CALN1: variants seen among roughly 807,000 people sequenced by gnomAD.
The protein encoded by CALN1 is calneuron 1, also known as calcium-binding protein 8.
CALN1 carries 17 observed loss-of-function variants against 30.6 expected under a neutral mutation model. The observed-to-expected ratio is 0.56, with a 90% CI of 0.38 to 0.83. The LOEUF (loss-of-function observed/expected upper bound fraction) is 0.83, where lower values mean the gene tolerates loss of function less well. CALN1 is among the 40% of genes least tolerant of loss of function. CALN1 has a pLI of 0.00. For missense variants in CALN1, 291 were observed against 354.9 expected (o/e 0.82, Z 1.45); for synonymous variants, 156 against 131.4 (o/e 1.19, Z -1.28).
At chr7:72,254,321 T>G (rs1366455898) in intron 3 of CALN1, among the ~76,000 whole-genome samples, 1 of 152,202 alleles carries the variant, frequency 6.6e-6, no homozygotes, top group Non-Finnish European at 1.5e-5. Context: ...TGCTCAGGAC[T>G]GCATCAAATT....
chr7:71,891,729 A>C (rs1793250020), intron 5 of CALN1, among the ~76,000 whole-genome samples: 1 of 152,174 alleles, frequency 6.6e-6, no homozygotes, highest in African/African-American at 2.4e-5. Context: ...AGATCACTTG[A>C]AGTCAGGAGT....
At chr7:72,254,729 C>G (rs966438287) in intron 3 of CALN1, among the ~76,000 whole-genome samples, 1 of 151,974 alleles carries the variant, frequency 6.6e-6, no homozygotes, top group African/African-American at 2.4e-5. Flanking sequence ...TTAGCACTTA[C>G]CTTCACATCT....
Position 71,837,830 on chromosome 7 carries a change from A to T in CALN1, c.502-27338T>A, listed in dbSNP as rs199760946. Among the ~76,000 whole-genome samples the T allele has an allele frequency of 3.9e-5, 6 of 152,340 alleles. No homozygotes were observed. The East Asian group carries it at 1.2e-3, about 29-fold the overall frequency. ...ACGTGGTGATGGGTTGAAAGGGAAG[A>T]CATAATATGAAAAACCAATAATTTT... On this transcript the variant is annotated intron_variant, in intron 5 of 6. Transcript: ENST00000395275.
intron 5 of CALN1, among the ~76,000 whole-genome samples, chr7:71,883,492 G>A (rs1158335517): frequency 6.6e-6 from 1 of 152,094 alleles, no homozygotes; most frequent in African/African-American, 2.4e-5. Context: ...CTTCTTGTTA[G>A]GAACATAATG....
chr7:72,225,564 G>C (rs141333330), intron 3 of CALN1, among the ~76,000 whole-genome samples: 1 of 151,934 alleles, frequency 6.6e-6, no homozygotes. Context: ...CACACAGCTC[G>C]GTCTCTGAAG....
At chr7:72,312,235 C>A (rs1302923276) in intron 2 of CALN1, among the ~76,000 whole-genome samples, 1 of 151,970 alleles carries the variant, frequency 6.6e-6, no homozygotes, top group Non-Finnish European at 1.5e-5. Flanking sequence ...GAAACCCTGT[C>A]TCTACTAAAA....
chr7:72,343,987 C>T (rs1420963784), intron 2 of CALN1, among the ~76,000 whole-genome samples: 1 of 152,092 alleles, frequency 6.6e-6, no homozygotes, highest in Non-Finnish European at 1.5e-5. Flanking sequence ...CACTCAGCAG[C>T]TTTGCAGGAG....
intron 2 of CALN1, among the ~76,000 whole-genome samples, chr7:72,393,039 G>A (rs569040322): frequency 1.3e-5 from 2 of 152,052 alleles, no homozygotes; most frequent in African/African-American, 4.8e-5. Flanking sequence ...TGTGTTAGAT[G>A]AATTCAGTCT....
intron 4 of CALN1, among the ~76,000 whole-genome samples, chr7:72,092,336 G>A (rs1805921793): frequency 6.6e-6 from 1 of 152,004 alleles, no homozygotes; most frequent in Non-Finnish European, 1.5e-5. Context: ...TAATTAGGTT[G>A]TCTTTGTAGC....
chr7:72,278,974 T>C (rs1797551098), intron 2 of CALN1, among the ~76,000 whole-genome samples, 164 bp from the exon 3 acceptor site: 2 of 152,222 alleles, frequency 1.3e-5, no homozygotes, highest in African/African-American at 4.8e-5. Flanking sequence ...CCCAATGACC[T>C]GAGCAATTTC....
chr7:71,821,412 C>T (rs1311540966), intron 5 of CALN1, among the ~76,000 whole-genome samples: 2 of 152,122 alleles, frequency 1.3e-5, no homozygotes, highest in African/African-American at 4.8e-5. Context: ...GGCTCACAAT[C>T]ATGGTGGAAG....
At chr7:71,889,154 G>A (rs1265607072) in intron 5 of CALN1, among the ~76,000 whole-genome samples, 1 of 152,144 alleles carries the variant, frequency 6.6e-6, no homozygotes, top group Non-Finnish European at 1.5e-5. Context: ...CATAAACTGG[G>A]TAGATTCTAA....
chr7:71,891,221 C>T (rs1025481937), intron 5 of CALN1, among the ~76,000 whole-genome samples: 2 of 152,108 alleles, frequency 1.3e-5, no homozygotes, highest in Non-Finnish European at 2.9e-5. Context: ...ATTAAAAATG[C>T]GACAAAAGCA....
chr7:72,052,200 A>G (rs1435823713), intron 4 of CALN1, among the ~76,000 whole-genome samples: 1 of 152,182 alleles, frequency 6.6e-6, no homozygotes, highest in African/African-American at 2.4e-5. Flanking sequence ...TAAAAAATCA[A>G]TCGTTTCCTT....
chr7:72,320,242 G>C (rs1045515233), intron 2 of CALN1, among the ~76,000 whole-genome samples: 2 of 152,214 alleles, frequency 1.3e-5, no homozygotes, highest in Non-Finnish European at 2.9e-5. Context: ...ACCAGGGCTA[G>C]GACGGCGGGC....
intron 5 of CALN1, among the ~76,000 whole-genome samples, chr7:71,850,364 T>C (rs1297425517): frequency 1.3e-5 from 2 of 150,858 alleles, no homozygotes; most frequent in Non-Finnish European, 1.5e-5. Flanking sequence ...TACAGGCGCA[T>C]ACCACCACAC....
Position 72,062,210 on chromosome 7 carries a change from A to T in CALN1, c.389-38441T>A, listed in dbSNP as rs138523727. ...AAAAAAATTTTAAAGGATGTTCTCC[A>T]GAAAGAAATAAAATGATACCAGGGC... On this transcript the variant is annotated intron_variant, in intron 4 of 6. Coordinates refer to ENST00000395275, the MANE Select transcript of CALN1 (RefSeq NM_031468.4). Among the ~76,000 whole-genome samples the T allele has an allele frequency of 2.6e-4, 40 of 152,332 alleles. No homozygotes were observed. The East Asian group carries it at 3.9e-3, about 15-fold the overall frequency.
intron 3 of CALN1, among the ~76,000 whole-genome samples, chr7:72,254,709 C>T (rs1203202366): frequency 5.3e-5 from 8 of 151,956 alleles, no homozygotes; most frequent in Non-Finnish European, 1.0e-4. Context: ...CACAAGTCAA[C>T]CTGAAGCCAT....
intron 2 of CALN1, among the ~76,000 whole-genome samples, chr7:72,313,250 A>G (rs979540236): frequency 5.9e-5 from 9 of 152,220 alleles, no homozygotes; most frequent in Admixed American, 1.3e-4. Context: ...AATTCGGTAC[A>G]TAACAAAAAC....
Sources: allele counts gnomAD v4.1 joint callset (sites outside exome capture counted in the v4.1 genomes callset), GRCh38; gene constraint gnomAD v4.1.1; transcripts MANE v1.5; gene names NCBI Gene and HGNC (gene_info 2026-07-23, HGNC 2026-07-21).